Variants in MAST2 observed in about 807,000 individuals in gnomAD.
MAST2 encodes the protein microtubule-associated serine/threonine-protein kinase 2.
In MAST2, 70 loss-of-function variants were observed where a neutral mutation model predicts 147.4. The ratio of observed to expected loss-of-function variants is 0.47; its 90% CI spans 0.39 to 0.58. MAST2 has a LOEUF of 0.58. Ranked by LOEUF, MAST2 falls within the 20% of genes least tolerant of loss-of-function variation. MAST2 has a pLI of 0.00. For missense variants in MAST2, 2,080 were observed against 2,302.3 expected (o/e 0.90, Z 1.98); for synonymous variants, 869 against 896.8 (o/e 0.97, Z 0.55).
chr1:45,909,893 A>G (rs1400288813), intron 4 of MAST2, among the ~76,000 whole-genome samples: 2 of 151,458 alleles, frequency 1.3e-5, no homozygotes, highest in Non-Finnish European at 1.5e-5. Flanking sequence ...GCTCCCTGCA[A>G]CCTCCGCCTC....
chr1:45,919,309 G>C (rs1056325381), intron 4 of MAST2, among the ~76,000 whole-genome samples: 1 of 152,006 alleles, frequency 6.6e-6, no homozygotes, highest in Non-Finnish European at 1.5e-5. Flanking sequence ...TAGAGGTTGG[G>C]GCGATAGTGA....
At chr1:45,991,001 G>A (rs11211244) in intron 5 of MAST2, among the ~76,000 whole-genome samples, 51,556 of 151,738 alleles carry the variant, frequency 0.34, 9,122 homozygotes, top group African/African-American at 0.43. Flanking sequence ...AAGTTTTATC[G>A]TTTTTTGTTT....
intron 4 of MAST2, among the ~76,000 whole-genome samples, chr1:45,919,019 C>T (rs541647059): frequency 7.6e-4 from 115 of 152,072 alleles, no homozygotes; most frequent in Non-Finnish European, 1.1e-3. Flanking sequence ...GCTACTCTGG[C>T]GGCTGAGGTG....
At chr1:45,822,186 G>C (rs1369410096) in intron 1 of MAST2, among the ~76,000 whole-genome samples, 1 of 152,050 alleles carries the variant, frequency 6.6e-6, no homozygotes, top group Non-Finnish European at 1.5e-5. Flanking sequence ...ACCGTGCCTG[G>C]CTATTTTCAG....
chr1:45,881,927 A>G (rs1646861772), intron 3 of MAST2, among the ~76,000 whole-genome samples: 1 of 148,716 alleles, frequency 6.7e-6, no homozygotes, highest in Non-Finnish European at 1.5e-5. Context: ...CTGTAATCCC[A>G]GTACTTTGGG....
intron 3 of MAST2, among the ~76,000 whole-genome samples, chr1:45,872,485 T>G (rs1286211553): frequency 1.3e-5 from 2 of 151,780 alleles, no homozygotes; most frequent in African/African-American, 4.8e-5. Flanking sequence ...TTTCGTGGTT[T>G]TTTTTTTTTT....
intron 5 of MAST2, among the ~76,000 whole-genome samples, chr1:45,978,518 AAAAG>A (rs1644266903): frequency 6.6e-6 from 1 of 152,232 alleles, no homozygotes; most frequent in Non-Finnish European, 1.5e-5. Flanking sequence ...TCTGTCTCAA[AAAAG>A]AAAGAAAGAA....
In MAST2 at chr1:46,034,915, G is replaced by C. The variant is rs750425605; in HGVS notation, c.4246G>C (p.Ala1416Pro). 3 of 1,614,134 alleles carry C rather than the reference G, an allele frequency of 1.9e-6. No individual in the cohort carries two copies. In the Admixed American group the frequency reaches 5.0e-5, roughly 27 times the overall value. The change falls in exon 29 of 29, where the codon GCC becomes CCC. Residue 1416 changes from alanine to proline, a missense_variant. This residue lies in a region of MAST2 where 1,278 missense variants were observed against 1,304.2 expected (regional missense o/e 0.98). Transcript: ENST00000361297. ...QSAEKLAAAL[A>P]ASEKKLATSR... ...GGCTGAGAAACTGGCAGCAGCACTT[G>C]CCGCCTCTGAGAAGAAGCTAGCCAC...
rs759667789 is a variant in MAST2 at position 46,031,388 on chromosome 1, C to T, written c.2993-3C>T. 1.2e-6 allele frequency: 2 copies of T among 1,609,094 alleles called. No individual in the cohort carries two copies. Among genetic ancestry groups the T allele is most frequent in the South Asian group, 1.1e-5 (1 of 90,586 alleles). On this transcript the variant is annotated splice_polypyrimidine_tract_variant and splice_region_variant and intron_variant, in intron 23 of 28. Coordinates refer to ENST00000361297, the MANE Select transcript of MAST2 (RefSeq NM_015112.3). The surrounding 1 kb of genome is among the most constrained non-coding windows in gnomAD (Gnocchi z 4.1). ...GGGTCTCACTGCTTACTTGGGCCTA[C>T]AGCTATGGAGACCCGAGGCCGTGGG...
At chr1:45,877,068 A>C (rs1354615797) in intron 3 of MAST2, among the ~76,000 whole-genome samples, 2 of 152,192 alleles carry the variant, frequency 1.3e-5, no homozygotes, top group South Asian at 4.1e-4. Context: ...TCGTGCTGCT[A>C]TAAAAAAATA....
At chr1:45,904,208 T>C (rs1447590457) in intron 4 of MAST2, among the ~76,000 whole-genome samples, 1 of 151,704 alleles carries the variant, frequency 6.6e-6, no homozygotes, top group Non-Finnish European at 1.5e-5. Flanking sequence ...GGCTTACTCT[T>C]GTCCCCCAGG....
chr1:45,937,781 A>T (rs1184880220), intron 4 of MAST2, among the ~76,000 whole-genome samples: 4 of 134,066 alleles, frequency 3.0e-5, no homozygotes, highest in Admixed American at 7.8e-5. Context: ...AAAAAAAAAA[A>T]ATTACCCATT....
At chr1:45,894,455 C>G (rs1051667118) in intron 4 of MAST2, among the ~76,000 whole-genome samples, 1 of 151,952 alleles carries the variant, frequency 6.6e-6, no homozygotes, top group Non-Finnish European at 1.5e-5. Context: ...ATGAGGAGCC[C>G]TATGCTTGCT....
intron 4 of MAST2, among the ~76,000 whole-genome samples, chr1:45,926,672 C>T (rs145938684): frequency 1.3e-5 from 2 of 152,172 alleles, no homozygotes; most frequent in Admixed American, 1.3e-4. Flanking sequence ...TCTCCTCTTA[C>T]AGCAGGGAAA....
chr1:46,011,187 A>T (rs1332888498), intron 10 of MAST2: 1 of 507,996 alleles, frequency 2.0e-6, no homozygotes, highest in Non-Finnish European at 3.5e-6. Context: ...ACTTTGTTGT[A>T]TTACGCGAAG....
At chr1:45,809,507 G>A (rs549937623) in intron 1 of MAST2, among the ~76,000 whole-genome samples, 2 of 152,296 alleles carry the variant, frequency 1.3e-5, no homozygotes, top group South Asian at 2.1e-4. Context: ...GTCGGGGTTG[G>A]TGGTGCGCGC....
intron 4 of MAST2, among the ~76,000 whole-genome samples, chr1:45,890,884 A>G (rs1476626736): frequency 6.6e-6 from 1 of 152,250 alleles, no homozygotes; most frequent in East Asian, 1.9e-4. Context: ...CAAATTGTAA[A>G]ATAAAATAAA....
rs1306461871 is a variant in MAST2, at chr1:45,831,887, C to G, written c.468+2306C>G. 2.0e-5 allele frequency among the ~76,000 whole-genome samples: 3 copies of G among 150,324 alleles called. No homozygotes were observed. The Admixed American group carries it at 2.0e-4, about 10-fold the overall frequency. ...CTCTGTCTCCTGGGTTCAAATGATT[C>G]TCCTGTGTCAGCCTCCCAAGTAGCT... On this transcript the variant is annotated intron_variant, in intron 3 of 28. Transcript: ENST00000361297.
rs76519146 is a variant in MAST2 at position 45,844,830 on chromosome 1, A to T, written c.468+15249A>T. Among the ~76,000 whole-genome samples, 1,006 of 152,272 alleles carry T rather than the reference A, an allele frequency of 6.6e-3. 12 individuals carry two copies. The highest frequency in any genetic ancestry group is 0.023 in the African/African-American group (970 of 41,544). ...GTGCTGCTATGACAGAATACTCGAA[A>T]CTGGGTAATTTATAAGGAATCAAGG... On this transcript the variant is annotated intron_variant, in intron 3 of 28. Coordinates refer to ENST00000361297, the MANE Select transcript of MAST2 (RefSeq NM_015112.3).
Sources: allele counts gnomAD v4.1 joint callset (sites outside exome capture counted in the v4.1 genomes callset), GRCh38; gene constraint gnomAD v4.1.1; regional missense constraint gnomAD v4.1.1; non-coding constraint Gnocchi (gnomAD v3.1); transcripts MANE v1.5; gene names NCBI Gene and HGNC (gene_info 2026-07-23, HGNC 2026-07-21).